MKI67: variants seen among roughly 807,000 people sequenced by gnomAD.
The protein encoded by MKI67 is marker of proliferation Ki-67.
In MKI67, 152 loss-of-function variants were observed where a neutral mutation model predicts 233.5. The ratio of observed to expected loss-of-function variants is 0.65; its 90% CI spans 0.57 to 0.74. The LOEUF is 0.74. Among genes scored for constraint, MKI67 ranks in the 30% least tolerant of loss-of-function variants. MKI67 has a pLI of 0.00. For missense variants in MKI67, 3,940 were observed against 3,885.2 expected (o/e 1.01, Z -0.37); for synonymous variants, 1,465 against 1,418.5 (o/e 1.03, Z -0.74).
intron 2 of MKI67, among the ~76,000 whole-genome samples, chr10:128,124,626 G>A (rs1325524254): frequency 6.6e-6 from 1 of 152,112 alleles, no homozygotes; most frequent in South Asian, 2.1e-4. Context: ...CCCTACACAC[G>A]TGATTAGTAA....
chr10:128,107,709 T>G lies in MKI67; in HGVS notation c.4131A>C (p.Pro1377=). The change falls in exon 13 of 15, where the codon CCA becomes CCC. Residue 1377 remains proline, a synonymous_variant. Coordinates refer to ENST00000368654, the MANE Select transcript of MKI67 (RefSeq NM_002417.5). ...TTGTTGGGGTGTCTGCTGATTCTGG[T>G]GGAGAAGATTCGCAGGGCATTTTAG... ...KTTKMPCESS[P]PESADTPTST... is the part of the protein sequence containing the mutation. The G allele has an allele frequency of 6.2e-7, 1 of 1,613,072 alleles. No homozygotes were observed. Among genetic ancestry groups the G allele is most frequent in the Non-Finnish European group, 8.5e-7 (1 of 1,179,800 alleles).
rs1347865996 is a variant in MKI67, at chr10:128,105,867, G to A, written c.5973C>T (p.Thr1991=). 1 of 1,613,774 alleles carries A rather than the reference G, an allele frequency of 6.2e-7. No individual in the cohort carries two copies. The highest frequency in any genetic ancestry group is 8.5e-7 in the Non-Finnish European group (1 of 1,179,968). The stretch of plus-strand genomic sequence containing the variant: ...TGAGTCGTTGCTTGGAGCTTGTTGG[G>A]GTTTTGACTGGGTCTGGTTGTGGAG... ...CKSPQPDPVK[T]PTSSKQRLKI... The change falls in exon 13 of 15, where the codon ACC becomes ACT. Residue 1991 remains threonine, a synonymous_variant. Transcript: ENST00000368654.
rs2136125863 is a variant in MKI67 at position 128,102,842 on chromosome 10, C to T, written c.8998G>A (p.Gly3000Ser). Residue 3000 changes from glycine (G) to serine (S), a missense_variant, in exon 13 of 15, where the codon GGT becomes AGT. Transcript: ENST00000368654. ...CCCGTGACGCTTCCATCTTTGCCACCTCCCCTCTTGAAGGGCAGTGGGGGC... is the reference window on the plus strand; with the variant it reads ...CCCGTGACGCTTCCATCTTTGCCACTTCCCCTCTTGAAGGGCAGTGGGGGC... ...SLPPLPFKRG[G>S]GKDGSVTGTK... 1 of 1,614,206 alleles carries T rather than the reference C, an allele frequency of 6.2e-7. No homozygotes were observed. Among genetic ancestry groups the T allele is most frequent in the African/African-American group, 1.3e-5 (1 of 75,050 alleles).
In MKI67 at chr10:128,108,671, C is replaced by G. The variant is rs200086427; in HGVS notation, c.3169G>C (p.Glu1057Gln). The G allele has an allele frequency of 1.2e-6, 2 of 1,614,194 alleles. No homozygotes were observed. Among genetic ancestry groups the G allele is most frequent in the Non-Finnish European group, 1.7e-6 (2 of 1,180,036 alleles). ...ATGCTCTTGCCATCTCCTGCTGGCT[C>G]TCTGTGCGTGTGCGTGGTCTCCCCT... ...TSGETTHTHR[E>Q]PAGDGKSIRT... Residue 1057 changes from glutamate to glutamine, a missense_variant, in exon 13 of 15, where the codon GAG becomes CAG. Glu to Gln is a conservative substitution (Grantham distance 29, BLOSUM62 2). Transcript: ENST00000368654.
At position 128,102,871 on chromosome 10, in the gene MKI67, G is replaced by A; in HGVS notation, c.8969C>T (p.Ser2990Phe). ...PVKSQSKSNT[S>F]LPPLPFKRGG... ...CCTCTTGAAGGGCAGTGGGGGCAGG[G>A]AAGTGTTGCTTTTGCTTTGTGATTT... The change falls in exon 13 of 15, where the codon TCC (serine) becomes TTC (phenylalanine). Residue 2990 changes from serine (S) to phenylalanine (F), a missense_variant. By Grantham distance (155) the Ser-to-Phe change is radical. Coordinates refer to ENST00000368654, the MANE Select transcript of MKI67 (RefSeq NM_002417.5). The A allele has an allele frequency of 2.5e-6, 4 of 1,614,204 alleles. No homozygotes were observed. Among genetic ancestry groups the A allele is most frequent in the Non-Finnish European group, 3.4e-6 (4 of 1,180,048 alleles).
At chr10:128,111,548 C>G in intron 11 of MKI67, 97 bp downstream of exon 11, 1 of 838,486 alleles carries the variant, frequency 1.2e-6, no homozygotes, top group East Asian at 3.1e-5. Context: ...TTTATAATCT[C>G]TTTCACAGCA....
In MKI67 at chr10:128,103,268, C is replaced by G; in HGVS notation, c.8572G>C (p.Val2858Leu). The G allele has an allele frequency of 6.2e-7, 1 of 1,614,176 alleles. No individual in the cohort carries two copies. Among genetic ancestry groups the G allele is most frequent in the South Asian group, 1.1e-5 (1 of 91,084 alleles). The change falls in exon 13 of 15, where the codon GTT becomes CTT. Residue 2858 changes from valine (V) to leucine (L), a missense_variant. By Grantham distance (32) the Val-to-Leu change is conservative (BLOSUM62 1). Coordinates refer to ENST00000368654, the MANE Select transcript of MKI67 (RefSeq NM_002417.5). ...KVEVKEELLA[V>L]GKLTQTSGET... ...CCTGAGGTTTGTGTGAGCTTGCCAA[C>G]TGCTAACAGCTCCTCCTTCACTTCT...
At chr10:128,121,427 A>AG (rs1249843833) in intron 4 of MKI67, among the ~76,000 whole-genome samples, 1 of 140,952 alleles carries the variant, frequency 7.1e-6, no homozygotes, top group Non-Finnish European at 1.5e-5. Context: ...TATATATACC[A>AG]TATAGTATAT....
Position 128,108,499 on chromosome 10 carries a change from G to A in MKI67, c.3341C>T (p.Pro1114Leu). 1 of 1,609,082 alleles carries A rather than the reference G, an allele frequency of 6.2e-7. No individual in the cohort carries two copies. Among genetic ancestry groups the A allele is most frequent in the Non-Finnish European group, 8.5e-7 (1 of 1,178,432 alleles). Residue 1114 changes from proline (P) to leucine (L), a missense_variant, in exon 13 of 15, where the codon CCC becomes CTC. Pro to Leu is a moderately conservative substitution (Grantham distance 98, BLOSUM62 -3). Coordinates refer to ENST00000368654, the MANE Select transcript of MKI67 (RefSeq NM_002417.5). ...CTCATCAGTCATTGATTCCTCAGAG[G>A]GACCTGGTGTCTGGAAGAGCTCTTT... is the stretch of plus-strand genomic sequence containing the variant. Reference protein sequence around the residue: ...GFKELFQTPGPSEESMTDEKT... With the variant: ...GFKELFQTPGLSEESMTDEKT...
chr10:128,104,397 C>A lies in MKI67; in HGVS notation c.7443G>T (p.Arg2481Ser), dbSNP rs200161638. The change falls in exon 13 of 15, where the codon AGG (arginine) becomes AGT (serine). Residue 2481 changes from arginine (R) to serine (S), a missense_variant. Physicochemically the swap from Arg to Ser is moderately radical, Grantham distance 110. Coordinates refer to ENST00000368654, the MANE Select transcript of MKI67 (RefSeq NM_002417.5). ...CCACTTTCACCAGGGGTATCTTGAG[C>A]CTTTGCTTGGAGCTTCTTGAGGTTT... ...SFKTSRSSKQRLKIPLVKVDM... is the reference protein window; with the variant it reads ...SFKTSRSSKQSLKIPLVKVDM... The A allele has an allele frequency of 6.2e-7, 1 of 1,614,010 alleles. No homozygotes were observed. Among genetic ancestry groups the A allele is most frequent in the Non-Finnish European group, 8.5e-7 (1 of 1,180,014 alleles).
Position 128,115,446 on chromosome 10 carries a change from C to G in MKI67, c.962G>C (p.Arg321Thr). Reference sequence around the variant, plus strand: ...GGGAGTCTGAACAGACTCCACGTCTCTTCCCTTCCCCTTGTTCTGGTCAAG... The same window carrying G: ...GGGAGTCTGAACAGACTCCACGTCTGTTCCCTTCCCCTTGTTCTGGTCAAG... ...QELDQNKGKG[R>T]DVESVQTPSK... The change falls in exon 7 of 15, where the codon AGA becomes ACA. Residue 321 changes from arginine to threonine, a missense_variant. Transcript: ENST00000368654. The G allele has an allele frequency of 6.2e-7, 1 of 1,613,750 alleles. No individual in the cohort carries two copies.
At position 128,113,413 on chromosome 10, in the gene MKI67, C is replaced by T. The variant is rs1275591013; in HGVS notation, c.1656+14G>A. ...GCCACTGGGCGTGAATGGGATGCTG[C>T]TTGTTCAACTCACCTTGATGATTTT... On this transcript the variant is annotated intron_variant, in intron 8 of 14. Transcript: ENST00000368654. 1 of 1,613,702 alleles carries T rather than the reference C, an allele frequency of 6.2e-7. No individual in the cohort carries two copies. Among genetic ancestry groups the T allele is most frequent in the South Asian group, 1.1e-5 (1 of 91,066 alleles).
Position 128,101,531 on chromosome 10 carries a change from T to C in MKI67, c.9432A>G (p.Ile3144Met), listed in dbSNP as rs1455807938. 1.2e-6 allele frequency: 2 copies of C among 1,614,244 alleles called. No individual in the cohort carries two copies. Among genetic ancestry groups the C allele is most frequent in the Non-Finnish European group, 1.7e-6 (2 of 1,180,042 alleles). Residue 3144 changes from isoleucine (I) to methionine (M), a missense_variant, in exon 14 of 15, where the codon ATA (isoleucine) becomes ATG (methionine). Coordinates refer to ENST00000368654, the MANE Select transcript of MKI67 (RefSeq NM_002417.5). ...QNPDDGARKP[I>M]PRDKVTENKR... ...TGTTCTCAGTGACTTTGTCTCTAGG[T>C]ATGGGTTTCCGGGCTCCATCATCTG...
intron 4 of MKI67, among the ~76,000 whole-genome samples, chr10:128,120,826 T>C (rs1225806015): frequency 6.6e-6 from 1 of 151,836 alleles, no homozygotes; most frequent in Non-Finnish European, 1.5e-5. Flanking sequence ...GGAACTGGAG[T>C]ACTGTACTAA....
At chr10:128,117,384 T>C (rs1039278344) in intron 5 of MKI67, among the ~76,000 whole-genome samples, 1 of 152,196 alleles carries the variant, frequency 6.6e-6, no homozygotes, top group Admixed American at 6.5e-5. Context: ...CAGGCACACA[T>C]GGTATATTCA....
Position 128,107,988 on chromosome 10 carries a change from C to A in MKI67, c.3852G>T (p.Ala1284=), listed in dbSNP as rs141076241. The A allele has an allele frequency of 6.2e-6, 10 of 1,611,876 alleles. No homozygotes were observed. The highest frequency in any genetic ancestry group is 7.6e-6 in the Non-Finnish European group (9 of 1,179,466). Residue 1284 remains alanine, a synonymous_variant, in exon 13 of 15, where the codon GCG becomes GCT. Transcript: ENST00000368654. ...CTGCTGATGGCATTAGATTCCTGCACGCTAAGAGTTCTCCCTCTACATCTG... is the reference window on the plus strand; with the variant it reads ...CTGCTGATGGCATTAGATTCCTGCAAGCTAAGAGTTCTCCCTCTACATCTG... The part of the protein sequence containing the change: ...RKADVEGELL[A]CRNLMPSAGK...
Position 128,099,050 on chromosome 10 carries a change from C to G in MKI67, c.*140G>C, listed in dbSNP as rs4750935. The G allele has an allele frequency of 0.096, 58,606 of 607,462 alleles. 3,130 individuals are homozygous for G. Among genetic ancestry groups the G allele is most frequent in the Admixed American group, 0.14 (4,417 of 30,624 alleles). 37.6% of individuals were successfully genotyped at this position (607,462 alleles called of 1,614,324 possible). Reference sequence around the variant, plus strand: ...GTGGAGTTTATGAAGCCGATTCAGACCCAGCAAATCCAAAGTTTTCTTCCC... The same window carrying G: ...GTGGAGTTTATGAAGCCGATTCAGAGCCAGCAAATCCAAAGTTTTCTTCCC... On this transcript the variant is annotated 3_prime_UTR_variant, in exon 15 of 15. Transcript: ENST00000368654.
chr10:128,108,789 G>A lies in MKI67; in HGVS notation c.3051C>T (p.Thr1017=), dbSNP rs1565007400. 10 of 1,614,152 alleles carry A rather than the reference G, an allele frequency of 6.2e-6. No homozygotes were observed. Among genetic ancestry groups the A allele is most frequent in the South Asian group, 1.1e-5 (1 of 91,078 alleles). The change falls in exon 13 of 15, where the codon ACC becomes ACT. Residue 1017 remains threonine, a synonymous_variant. Coordinates refer to ENST00000368654, the MANE Select transcript of MKI67 (RefSeq NM_002417.5). ...CQSLQPEPIN[T]PTHTKQQLKA... Reference sequence around the variant, plus strand: ...TCAACTGTTGTTTTGTGTGTGTTGGGGTGTTTATTGGTTCTGGTTGTAATG... The same window carrying A: ...TCAACTGTTGTTTTGTGTGTGTTGGAGTGTTTATTGGTTCTGGTTGTAATG...
At position 128,125,344 on chromosome 10, in the gene MKI67, A is replaced by AT. The variant is rs935459696; in HGVS notation, c.92+231dup. On this transcript the variant is annotated intron_variant, in intron 2 of 14. Coordinates refer to ENST00000368654, the MANE Select transcript of MKI67 (RefSeq NM_002417.5). The surrounding 1 kb of genome is among the most constrained non-coding windows in gnomAD (Gnocchi z 5.3). Reference sequence around the variant, plus strand: ...TCTTTACCGCAACATTAGCAAATCGATTTTTTTAATTGGCTTGATTTTTAA... The same window carrying AT: ...TCTTTACCGCAACATTAGCAAATCGATTTTTTTTAATTGGCTTGATTTTTAA... 6.6e-6 allele frequency among the ~76,000 whole-genome samples: 1 copy of AT among 152,120 alleles called. No homozygotes were observed. The highest frequency in any genetic ancestry group is 1.5e-5 in the Non-Finnish European group (1 of 68,024).
Sources: gnomAD v4.1 joint callset for allele counts (sites outside exome capture counted in the v4.1 genomes callset) on GRCh38, gnomAD v4.1.1 for gene constraint, Gnocchi (gnomAD v3.1) non-coding constraint, MANE v1.5 for transcripts, NCBI Gene and HGNC (gene_info 2026-07-23, HGNC 2026-07-21) for gene names.